MALT1: variants seen among roughly 807,000 people sequenced by gnomAD.
MALT1 encodes the protein MALT1 paracaspase.
A neutral mutation model predicts 85.5 loss-of-function variants in MALT1; 36 were observed. That is an observed-to-expected ratio of 0.42 (90% CI 0.32 to 0.56). MALT1 has a LOEUF of 0.56. MALT1 is among the 20% of genes least tolerant of loss of function. The probability of loss-of-function intolerance (pLI) is 0.10; values close to 1 mark genes in which losing one functional copy is unlikely to be tolerated. For missense variants in MALT1, 716 were observed against 981.6 expected, an observed-to-expected ratio of 0.73 and a Z score of 3.62; for synonymous variants, 359 against 361.3, an observed-to-expected ratio of 0.99 and a Z score of 0.07.
intron 16 of MALT1, among the ~76,000 whole-genome samples, chr18:58,746,790 C>T (rs534359144): frequency 2.8e-4 from 42 of 151,856 alleles, no homozygotes; most frequent in Admixed American, 5.9e-4. Flanking sequence ...TGCAGTGGCG[C>T]GATCTCAGCT....
intron 10 of MALT1, among the ~76,000 whole-genome samples, 194 bp downstream of exon 10, chr18:58,723,445 TTA>T (rs746919921): frequency 3.9e-4 from 60 of 152,198 alleles, no homozygotes; most frequent in Non-Finnish European, 7.9e-4. Context: ...GTCTTTACTT[TTA>T]TGTTTCCTGT....
chr18:58,692,443 TCCCTCC>T (rs1267445709), intron 2 of MALT1, among the ~76,000 whole-genome samples: 206 of 16,764 alleles, frequency 0.012, 1 homozygote, highest in African/African-American at 0.032. Flanking sequence ...TCTCACTCTC[TCCCTCC>T]CTCCCTCCCT....
At chr18:58,742,069 A>G in intron 14 of MALT1, 55 bp downstream of exon 14, 2 of 1,345,088 alleles carry the variant, frequency 1.5e-6, no homozygotes, top group Non-Finnish European at 2.0e-6. Context: ...GTTAAATCAT[A>G]AAGTTTCTTC....
rs529489620 is a variant in MALT1, at chr18:58,748,565, ATGTT to A, written c.*728_*731del. ...ATGAAACCACATGAGAAGTGATAAA[ATGTT>A]TGTTAAAGCTAGATAGAGGTTAAGA... On this transcript the variant is annotated 3_prime_UTR_variant, in exon 17 of 17. Transcript: ENST00000649217. The A allele has an allele frequency of 3.9e-3, 734 of 188,108 alleles. 3 individuals are homozygous for A. The highest frequency in any genetic ancestry group is 6.5e-3 in the Non-Finnish European group (577 of 88,868). The allele number at this position is 188,108 out of a possible 1,614,324, so 11.7% of individuals were successfully genotyped here. A position where few individuals can be genotyped will look rare whatever the true frequency, so the allele number is the denominator to read the frequency against.
At chr18:58,688,393 G>A (rs1319055703) in intron 2 of MALT1, among the ~76,000 whole-genome samples, 1 of 151,232 alleles carries the variant, frequency 6.6e-6, no homozygotes, top group African/African-American at 2.4e-5. Flanking sequence ...TACATTAAAA[G>A]CTACTTTGTC....
At chr18:58,676,675 A>G (rs1334830701) in intron 1 of MALT1, among the ~76,000 whole-genome samples, 1 of 152,246 alleles carries the variant, frequency 6.6e-6, no homozygotes, top group East Asian at 1.9e-4. Flanking sequence ...ACTTAAGACC[A>G]TTGGTTAGTT....
chr18:58,699,962 G>C (rs2054647917), intron 3 of MALT1, among the ~76,000 whole-genome samples: 1 of 152,202 alleles, frequency 6.6e-6, no homozygotes, highest in African/African-American at 2.4e-5. Flanking sequence ...ACAGAATTTT[G>C]CAGATCAGAA....
intron 9 of MALT1, among the ~76,000 whole-genome samples, chr18:58,721,697 C>T (rs537249655): frequency 2.6e-5 from 4 of 152,192 alleles, no homozygotes; most frequent in East Asian, 1.9e-4. Flanking sequence ...AGCAATTTCA[C>T]CAGAGAGATT....
chr18:58,672,213 C>T (rs1235310681), intron 1 of MALT1: 1 of 196,884 alleles, frequency 5.1e-6, no homozygotes, highest in East Asian at 1.2e-4. Context: ...ATCCAGAGGA[C>T]TTAAAATGCA....
chr18:58,675,043 C>T (rs1189887747), intron 1 of MALT1, among the ~76,000 whole-genome samples: 1 of 152,212 alleles, frequency 6.6e-6, no homozygotes, highest in Non-Finnish European at 1.5e-5. Flanking sequence ...CTTAGTTCCC[C>T]ACAACCATGT....
intron 16 of MALT1, 91 bp from the exon 17 acceptor site, chr18:58,747,314 T>C: frequency 2.5e-6 from 2 of 788,522 alleles, no homozygotes; most frequent in South Asian, 1.7e-5. Context: ...AGTGGATTTT[T>C]GGGGGTGGGG....
In MALT1 at chr18:58,671,585, C is replaced by G. The variant is rs1160137171; in HGVS notation, c.-59C>G. On this transcript the variant is annotated 5_prime_UTR_variant, in exon 1 of 17. Transcript: ENST00000649217. The stretch of plus-strand genomic sequence containing the variant: ...GAGGCGAGCGGAAGGTGCCCCGGGG[C>G]CGAGGCCCGTGACGGGGCGGGCGGG... 3.5e-6 allele frequency: 4 copies of G among 1,130,402 alleles called. No individual in the cohort carries two copies. The highest frequency in any genetic ancestry group is 4.4e-6 in the Non-Finnish European group (4 of 902,206). 70.0% of individuals were successfully genotyped at this position (1,130,402 alleles called of 1,614,324 possible). A position where few individuals can be genotyped will look rare whatever the true frequency, so the allele number is the denominator to read the frequency against.
intron 9 of MALT1, among the ~76,000 whole-genome samples, chr18:58,719,639 A>G (rs1047586439): frequency 3.9e-5 from 6 of 152,198 alleles, no homozygotes; most frequent in Admixed American, 6.5e-5. Context: ...TGACTGTACT[A>G]CACAAGGGCA....
At chr18:58,679,585 G>T (rs117524591) in intron 1 of MALT1, among the ~76,000 whole-genome samples, 1 of 152,048 alleles carries the variant, frequency 6.6e-6, no homozygotes, top group African/African-American at 2.4e-5. Context: ...ACCGAGTCTC[G>T]ATCTGTCGCC....
chr18:58,709,665 G>A lies in MALT1; in HGVS notation c.828+109G>A, dbSNP rs562684532. 4.8e-5 allele frequency: 45 copies of A among 943,580 alleles called. 1 individual carries two copies. The South Asian group carries it at 8.7e-4, about 18-fold the overall frequency. The allele number at this position is 943,580 out of a possible 1,614,324, so 58.5% of individuals were successfully genotyped here. The stretch of plus-strand genomic sequence containing the variant: ...CTCATATCCTTTCAGATGTTTTAAT[G>A]TTTTCAGTATTTTTATTTAAAGTCC... On this transcript the variant is annotated intron_variant, in intron 5 of 16. Transcript: ENST00000649217.
chr18:58,724,928 T>C (rs997592164), intron 10 of MALT1, among the ~76,000 whole-genome samples: 1 of 152,026 alleles, frequency 6.6e-6, no homozygotes, highest in African/African-American at 2.4e-5. Context: ...GCAGATCACC[T>C]GAGGTCAGGA....
chr18:58,713,042 A>G (rs1172130473), intron 7 of MALT1, among the ~76,000 whole-genome samples: 2 of 152,154 alleles, frequency 1.3e-5, no homozygotes, highest in South Asian at 2.1e-4. Flanking sequence ...GTGAAAGAGT[A>G]CAGTGCTACT....
intron 2 of MALT1, chr18:58,691,343 GT>G: frequency 1.2e-6 from 1 of 852,184 alleles, no homozygotes. Context: ...AGATGATCCT[GT>G]TTGCTTTTGG....
intron 1 of MALT1, chr18:58,673,918 A>G (rs1157009392): frequency 6.7e-6 from 1 of 150,066 alleles, no homozygotes. Flanking sequence ...GTTCTAGGAA[A>G]AACACGTTGG....
Sources: gnomAD v4.1 joint callset for allele counts (sites outside exome capture counted in the v4.1 genomes callset) on GRCh38, gnomAD v4.1.1 for gene constraint, MANE v1.5 for transcripts, NCBI Gene and HGNC (gene_info 2026-07-23, HGNC 2026-07-21) for gene names.